LRRC74A: variants seen among roughly 807,000 people sequenced by gnomAD.
LRRC74A encodes leucine rich repeat containing 74A, also known as leucine-rich repeat-containing protein 74A.
LRRC74A carries 44 observed loss-of-function variants against 57.9 expected under a neutral mutation model. That is an observed-to-expected ratio of 0.76 (90% CI 0.60 to 0.98). The LOEUF (loss-of-function observed/expected upper bound fraction) is 0.98, where lower values mean the gene tolerates loss of function less well. LRRC74A is among the 50% of genes least tolerant of loss of function. The pLI, the probability that LRRC74A is intolerant of heterozygous loss-of-function variation, is 0.00. For missense variants in LRRC74A, 572 were observed against 574.0 expected (o/e 1.00, Z 0.04); for synonymous variants, 211 against 219.4 (o/e 0.96, Z 0.34).
intron 5 of LRRC74A, among the ~76,000 whole-genome samples, chr14:76,839,538 T>C (rs1204075347): frequency 6.6e-6 from 1 of 152,244 alleles, no homozygotes; most frequent in African/African-American, 2.4e-5. Context: ...CTAAAACTCC[T>C]AGAACTATAC....
chr14:76,828,359 C>G lies in LRRC74A; in HGVS notation c.106C>G (p.Pro36Ala), dbSNP rs750997291. ...KMLYCEAESP[P>A]TVEKVKPARE... ...GCTCTACTGTGAGGCCGAATCCCCG[C>G]CGACTGTTGAAAAAGTGAAACCAGC... Residue 36 changes from proline to alanine, a missense_variant, in exon 2 of 14, where the codon CCG (proline) becomes GCG (alanine). By Grantham distance (27) the Pro-to-Ala change is conservative. Transcript: ENST00000689127. 1.9e-6 allele frequency: 3 copies of G among 1,613,838 alleles called. No homozygotes were observed. In the Admixed American group the frequency reaches 5.0e-5, roughly 27 times the overall value.
chr14:76,865,582 C>G (rs1898715256), intron 11 of LRRC74A, among the ~76,000 whole-genome samples: 1 of 152,170 alleles, frequency 6.6e-6, no homozygotes. Flanking sequence ...ACCATCTATA[C>G]CAGTGTTAAC....
At chr14:76,860,883 G>A in intron 11 of LRRC74A, 44 bp downstream of exon 11, 1 of 1,503,678 alleles carries the variant, frequency 6.7e-7, no homozygotes, top group Non-Finnish European at 9.0e-7. Flanking sequence ...GAGCCCTGGG[G>A]AAAGCTGGCC....
chr14:76,851,780 C>T (rs1302953002), intron 7 of LRRC74A, among the ~76,000 whole-genome samples: 1 of 152,114 alleles, frequency 6.6e-6, no homozygotes, highest in Non-Finnish European at 1.5e-5. Context: ...ATTCTCCTGC[C>T]TCAGCCTCCT....
rs1895732019 is a variant in LRRC74A at position 76,828,389 on chromosome 14, G to A, written c.136G>A (p.Glu46Lys). 6.2e-7 allele frequency: 1 copy of A among 1,613,880 alleles called. No individual in the cohort carries two copies. The highest frequency in any genetic ancestry group is 8.5e-7 in the Non-Finnish European group (1 of 1,179,896). Residue 46 changes from glutamate to lysine, a missense_variant, in exon 2 of 14, where the codon GAG (glutamate) becomes AAG (lysine). Physicochemically the swap from Glu to Lys is moderately conservative, Grantham distance 56. Coordinates refer to ENST00000689127, the MANE Select transcript of LRRC74A (RefSeq NM_001385106.1). ...PTVEKVKPARENSETDLEIED... is the reference protein window; with the variant it reads ...PTVEKVKPARKNSETDLEIED... ...TGTTGAAAAAGTGAAACCAGCCCGG[G>A]AGAATTCGGAAACAGACCTGGAGAT... is the stretch of plus-strand genomic sequence containing the variant.
Position 76,856,721 on chromosome 14 carries a change from T to C in LRRC74A, c.958-659T>C, listed in dbSNP as rs975089261. ...ATAAGTGAGTGGATGGATGGATGGATGGATGAGCAGTGAGATGGATAAGTG... is the reference window on the plus strand; with the variant it reads ...ATAAGTGAGTGGATGGATGGATGGACGGATGAGCAGTGAGATGGATAAGTG... On this transcript the variant is annotated intron_variant, in intron 9 of 13. Transcript: ENST00000689127. 5.4e-4 allele frequency among the ~76,000 whole-genome samples: 81 copies of C among 150,046 alleles called. 1 individual carries two copies. The highest frequency in any genetic ancestry group is 1.9e-3 in the African/African-American group (78 of 40,556).
chr14:76,845,798 A>C (rs1897083785), intron 7 of LRRC74A, among the ~76,000 whole-genome samples: 1 of 152,258 alleles, frequency 6.6e-6, no homozygotes, highest in South Asian at 2.1e-4. Flanking sequence ...AGGTGGGCAG[A>C]TCACGAGGTC....
chr14:76,867,345 C>T lies in LRRC74A; in HGVS notation c.1309-11C>T, dbSNP rs766436264. 2 of 1,456,212 alleles carry T rather than the reference C, an allele frequency of 1.4e-6. No homozygotes were observed. Among genetic ancestry groups the T allele is most frequent in the Admixed American group, 3.4e-5 (2 of 59,194 alleles). The allele number at this position is 1,456,212 out of a possible 1,614,324, so 90.2% of individuals were successfully genotyped here. ...TTCTATTAACTGCACATGTTCCATC[C>T]ACCTCCTCAGCAAAACAAGGTCCCC... On this transcript the variant is annotated splice_polypyrimidine_tract_variant and intron_variant, in intron 12 of 13. Transcript: ENST00000689127.
rs747341849 is a variant in LRRC74A at position 76,857,487 on chromosome 14, A to G, written c.1053+12A>G. 6.4e-7 allele frequency: 1 copy of G among 1,552,632 alleles called. No individual in the cohort carries two copies. Among genetic ancestry groups the G allele is most frequent in the Non-Finnish European group, 8.7e-7 (1 of 1,144,060 alleles). On this transcript the variant is annotated intron_variant, in intron 10 of 13. Coordinates refer to ENST00000689127, the MANE Select transcript of LRRC74A (RefSeq NM_001385106.1). ...AGCTTGATATTTCCGTAAGTGATCAAATGGTAGTTGCTTGCGTCTGGGCAC... is the reference window on the plus strand; with the variant it reads ...AGCTTGATATTTCCGTAAGTGATCAGATGGTAGTTGCTTGCGTCTGGGCAC...
chr14:76,834,510 A>G (rs1896182014), intron 3 of LRRC74A, among the ~76,000 whole-genome samples: 1 of 152,106 alleles, frequency 6.6e-6, no homozygotes. Flanking sequence ...CCTGGCCTAG[A>G]TTAGGAGCAC....
At chr14:76,852,286 T>G (rs1897549938) in intron 7 of LRRC74A, 79 bp from the exon 8 acceptor site, 5 of 1,079,870 alleles carry the variant, frequency 4.6e-6, no homozygotes, top group Admixed American at 4.4e-5. Flanking sequence ...TTATCCCCAG[T>G]GTCATGGACA....
chr14:76,866,475 C>T (rs1457530553), intron 12 of LRRC74A, among the ~76,000 whole-genome samples: 1 of 152,166 alleles, frequency 6.6e-6, no homozygotes, highest in Non-Finnish European at 1.5e-5. Context: ...CTCTCGCTCC[C>T]CATGTAATAA....
rs927484926 is a variant in LRRC74A at position 76,826,642 on chromosome 14, A to G, written c.-56A>G. The G allele has an allele frequency of 6.2e-6, 10 of 1,607,902 alleles. No homozygotes were observed. The highest frequency in any genetic ancestry group is 8.5e-6 in the Non-Finnish European group (10 of 1,177,490). ...GAATGGACAGGTGTGCTTCTTAGGGAAGCAGTCGAGAGGTGGCAAGAAGTT... is the reference window on the plus strand; with the variant it reads ...GAATGGACAGGTGTGCTTCTTAGGGGAGCAGTCGAGAGGTGGCAAGAAGTT... On this transcript the variant is annotated 5_prime_UTR_variant, in exon 1 of 14. Coordinates refer to ENST00000689127, the MANE Select transcript of LRRC74A (RefSeq NM_001385106.1).
At chr14:76,832,519 G>A (rs1896042078) in intron 3 of LRRC74A, among the ~76,000 whole-genome samples, 1 of 152,128 alleles carries the variant, frequency 6.6e-6, no homozygotes, top group Non-Finnish European at 1.5e-5. Flanking sequence ...TGTTGCCCAG[G>A]CTGGTCTCAA....
chr14:76,861,055 AG>A (rs1331053337), intron 11 of LRRC74A, among the ~76,000 whole-genome samples: 3 of 152,182 alleles, frequency 2.0e-5, no homozygotes, highest in African/African-American at 7.2e-5. Flanking sequence ...GAGGAAGGGA[AG>A]GGCTGAGATC....
intron 4 of LRRC74A, among the ~76,000 whole-genome samples, chr14:76,836,757 C>T (rs1252287851): frequency 1.4e-5 from 2 of 143,588 alleles, no homozygotes; most frequent in African/African-American, 5.2e-5. Context: ...CACCACAGCA[C>T]TCCAGCCTGG....
chr14:76,853,449 G>GTGTGTGTGTGTGTGTGTT lies in LRRC74A; in HGVS notation c.957+52_957+53insGTGTTTGTGTGTGTGTGT, dbSNP rs1555367702. 2.1e-6 allele frequency: 3 copies of GTGTGTGTGTGTGTGTGTT among 1,458,148 alleles called. No homozygotes were observed. In the African/African-American group the frequency reaches 4.3e-5, roughly 21 times the overall value. 90.3% of individuals were successfully genotyped at this position (1,458,148 alleles called of 1,614,324 possible). A position where few individuals can be genotyped will look rare whatever the true frequency, so the allele number is the denominator to read the frequency against. On this transcript the variant is annotated intron_variant, in intron 9 of 13. Transcript: ENST00000689127. Reference sequence around the variant, plus strand: ...GGAAAGGGTGTGTGTGTGTGTGTGTGTGTGTGTGTGTGTTTGTGTATGTGT... The same window carrying GTGTGTGTGTGTGTGTGTT: ...GGAAAGGGTGTGTGTGTGTGTGTGTGTGTGTGTGTGTGTGTGTTTGTGTGTGTGTGTTTGTGTATGTGT...
Position 76,831,475 on chromosome 14 carries a change from C to T in LRRC74A, c.339+100C>T, listed in dbSNP as rs963719446. The T allele has an allele frequency of 4.6e-6, 6 of 1,318,088 alleles. No individual in the cohort carries two copies. In the African/African-American group the frequency reaches 8.7e-5, roughly 19 times the overall value. The allele number at this position is 1,318,088 out of a possible 1,614,324, so 81.6% of individuals were successfully genotyped here. ...AGGGCCCCTCCTATGGAGCCTAAAC[C>T]CACACTTTATGCCCTTATGCCACAC... On this transcript the variant is annotated intron_variant, in intron 3 of 13. Coordinates refer to ENST00000689127, the MANE Select transcript of LRRC74A (RefSeq NM_001385106.1).
intron 4 of LRRC74A, among the ~76,000 whole-genome samples, chr14:76,836,579 C>T (rs1187725060): frequency 2.6e-5 from 4 of 152,190 alleles, no homozygotes; most frequent in Admixed American, 1.3e-4. Flanking sequence ...GTGGGAGGAT[C>T]GCCTGAGGTC....
Sources: allele counts gnomAD v4.1 joint callset (sites outside exome capture counted in the v4.1 genomes callset), GRCh38; gene constraint gnomAD v4.1.1; transcripts MANE v1.5; gene names NCBI Gene and HGNC (gene_info 2026-07-23, HGNC 2026-07-21).